The following PCDH11X variants were observed in gnomAD, a reference collection of about 807,000 sequenced individuals.
PCDH11X encodes the protein protocadherin-11 X-linked.
In PCDH11X, 18 loss-of-function variants were observed where a neutral mutation model predicts 53.3. The observed-to-expected ratio is 0.34, with a 90% CI of 0.23 to 0.50. The LOEUF is 0.50. Among genes scored for constraint, PCDH11X ranks in the 20% least tolerant of loss-of-function variants. The pLI is 0.98. For synonymous variants in PCDH11X, 279 were observed against 393.3 expected (o/e 0.71, Z 3.44); for missense variants, 570 against 1,032.4 (o/e 0.55, Z 6.14).
chrX:92,443,836 T>C (rs1205264197), intron 9 of PCDH11X, among the ~76,000 whole-genome samples: 1 of 111,712 alleles, frequency 9.0e-6, no homozygotes, highest in Non-Finnish European at 1.9e-5. Flanking sequence ...GATGGTTTCA[T>C]GTAGGTGTGC....
chrX:92,380,355 G>A (rs1437802162), intron 8 of PCDH11X, among the ~76,000 whole-genome samples: 1 of 111,729 alleles, frequency 9.0e-6, no homozygotes, highest in Non-Finnish European at 1.9e-5. Context: ...GATCCGGGCT[G>A]GTAGTGAGAC....
intron 10 of PCDH11X, among the ~76,000 whole-genome samples, chrX:92,512,733 C>A (rs1439356097): frequency 1.8e-5 from 2 of 111,888 alleles, no homozygotes; most frequent in Non-Finnish European, 3.8e-5. Flanking sequence ...TCTTTTAGAT[C>A]ATTTTGAAAT....
intron 8 of PCDH11X, among the ~76,000 whole-genome samples, chrX:92,348,723 A>G (rs942320313): frequency 9.2e-6 from 1 of 108,295 alleles, no homozygotes; most frequent in Admixed American, 1.0e-4. Context: ...TTTAGTAGAG[A>G]CAGGGTTTCA....
intron 6 of PCDH11X, among the ~76,000 whole-genome samples, chrX:92,046,927 T>C (rs1268589955): frequency 1.0e-5 from 1 of 98,940 alleles, no homozygotes; most frequent in East Asian, 3.5e-4. Flanking sequence ...TAAAACATTG[T>C]ATAATCTGTA....
intron 7 of PCDH11X, among the ~76,000 whole-genome samples, chrX:92,203,647 A>T (rs1408407482): frequency 8.9e-6 from 1 of 112,201 alleles, no homozygotes; most frequent in Non-Finnish European, 1.9e-5. Flanking sequence ...TGTACAGGAG[A>T]CTAGTTTTGT....
chrX:91,857,722 A>G (rs1461953886), intron 5 of PCDH11X, among the ~76,000 whole-genome samples: 1 of 112,102 alleles, frequency 8.9e-6, no homozygotes. Flanking sequence ...TCTCATATCC[A>G]GGTCATGCTG....
chrX:92,256,330 G>A (rs1416277854), intron 7 of PCDH11X, among the ~76,000 whole-genome samples: 1 of 111,277 alleles, frequency 9.0e-6, no homozygotes, highest in African/African-American at 3.3e-5. Context: ...CCACTGACCT[G>A]CACCCACTGT....
chrX:92,249,321 A>G (rs2067414083), intron 7 of PCDH11X, among the ~76,000 whole-genome samples: 1 of 111,952 alleles, frequency 8.9e-6, no homozygotes, highest in Non-Finnish European at 1.9e-5. Context: ...GACACAATAT[A>G]CATTCTCAGT....
intron 8 of PCDH11X, among the ~76,000 whole-genome samples, chrX:92,379,441 G>T (rs5942235): frequency 0.42 from 47,373 of 111,994 alleles, 7,504 homozygotes; most frequent in Non-Finnish European, 0.5. Flanking sequence ...AGCAGAGGGG[G>T]TGCTGAGGGC....
At chrX:92,258,766 AT>A (rs1161293258) in intron 7 of PCDH11X, among the ~76,000 whole-genome samples, 1 of 111,880 alleles carries the variant, frequency 8.9e-6, no homozygotes, top group African/African-American at 3.2e-5. Flanking sequence ...ATTTTTCAAA[AT>A]TTTATGCTCT....
intron 6 of PCDH11X, among the ~76,000 whole-genome samples, chrX:92,018,301 G>T (rs1303933730): frequency 2.7e-5 from 3 of 111,839 alleles, no homozygotes; most frequent in Non-Finnish European, 5.6e-5. Context: ...GATAATTTAA[G>T]AAAATAGTTA....
At position 92,287,662 on chromosome X, in the gene PCDH11X, C is replaced by T. The variant is rs146237765; in HGVS notation, c.3144+24519C>T. Reference sequence around the variant, plus strand: ...TCCTTTTCTTTTGTTTTAAGCTTTCCTAAATCAACATTTTCTTATGCAGTA... The same window carrying T: ...TCCTTTTCTTTTGTTTTAAGCTTTCTTAAATCAACATTTTCTTATGCAGTA... On this transcript the variant is annotated intron_variant, in intron 8 of 10. Coordinates refer to ENST00000682573, the MANE Select transcript of PCDH11X (RefSeq NM_032968.5). Among the ~76,000 whole-genome samples, 99 of 111,861 alleles carry T rather than the reference C, an allele frequency of 8.9e-4. 2 individuals are homozygous for T. The East Asian group carries it at 0.024, about 27-fold the overall frequency.
chrX:92,183,635 A>G (rs576229514), intron 6 of PCDH11X, among the ~76,000 whole-genome samples: 9 of 112,449 alleles, frequency 8.0e-5, no homozygotes, highest in African/African-American at 2.9e-4. Flanking sequence ...CAATGTATTT[A>G]TAATGGTCTA....
At chrX:92,200,296 A>T (rs2066367643) in intron 6 of PCDH11X, among the ~76,000 whole-genome samples, 1 of 111,302 alleles carries the variant, frequency 9.0e-6, no homozygotes, top group Admixed American at 9.6e-5. Context: ...AGGATGTGGA[A>T]AAAGGGGAAT....
chrX:92,341,335 C>G (rs1380487171), intron 8 of PCDH11X, among the ~76,000 whole-genome samples: 2 of 111,601 alleles, frequency 1.8e-5, no homozygotes, highest in Non-Finnish European at 3.8e-5. Context: ...CTATTCAGTT[C>G]CAATGTCGCT....
chrX:92,339,682 G>A (rs1473325627), intron 8 of PCDH11X, among the ~76,000 whole-genome samples: 1 of 108,605 alleles, frequency 9.2e-6, no homozygotes, highest in Non-Finnish European at 1.9e-5. Context: ...ACAGAATCAA[G>A]GGGATGGTGC....
chrX:91,838,396 A>G (rs1483503658), intron 5 of PCDH11X, among the ~76,000 whole-genome samples: 2 of 111,849 alleles, frequency 1.8e-5, no homozygotes, highest in African/African-American at 6.5e-5. Context: ...TGCCTAAAGT[A>G]CTGGGGCATT....
chrX:92,535,126 G>A (rs2074632946), intron 10 of PCDH11X, among the ~76,000 whole-genome samples: 1 of 112,083 alleles, frequency 8.9e-6, no homozygotes, highest in Non-Finnish European at 1.9e-5. Context: ...ATTCCTCAAA[G>A]AGCTAAAAGC....
chrX:91,886,896 G>A (rs749836248), intron 6 of PCDH11X, among the ~76,000 whole-genome samples: 39 of 104,998 alleles, frequency 3.7e-4, no homozygotes, highest in African/African-American at 5.9e-4. Flanking sequence ...GCATGAACCC[G>A]GGAGGCGGAG....
Sources: allele counts gnomAD v4.1 joint callset (sites outside exome capture counted in the v4.1 genomes callset), GRCh38; gene constraint gnomAD v4.1.1; transcripts MANE v1.5; gene names NCBI Gene and HGNC (gene_info 2026-07-23, HGNC 2026-07-21).